ANK2: variants seen among roughly 807,000 people sequenced by gnomAD.
ANK2 encodes ankyrin 2.
ANK2 carries 83 observed loss-of-function variants against 360.5 expected under a neutral mutation model. The ratio of observed to expected loss-of-function variants is 0.23; its 90% confidence interval spans 0.19 to 0.28. The LOEUF (loss-of-function observed/expected upper bound fraction) is 0.28. Ranked by LOEUF, ANK2 falls within the 10% of genes least tolerant of loss-of-function variation. The pLI, the probability that ANK2 is intolerant of heterozygous loss-of-function variation, is 1.00. For missense variants in ANK2, 4,201 were observed against 4,795.7 expected (o/e 0.88, Z 3.66); for synonymous variants, 1,740 against 1,759.5 (o/e 0.99, Z 0.28).
At chr4:113,122,405 C>A (rs1250930257) in intron 1 of ANK2, among the ~76,000 whole-genome samples, 2 of 152,240 alleles carry the variant, frequency 1.3e-5, no homozygotes, top group Admixed American at 6.5e-5. Flanking sequence ...ATTAAAAATA[C>A]AAGTCACAGC....
At chr4:113,162,005 C>T (rs964102004) in intron 1 of ANK2, among the ~76,000 whole-genome samples, 3 of 152,102 alleles carry the variant, frequency 2.0e-5, no homozygotes, top group Admixed American at 1.3e-4. Context: ...TTTTTAATTC[C>T]CTACTCTACA....
intron 26 of ANK2, among the ~76,000 whole-genome samples, chr4:113,328,168 G>A (rs1375543783): frequency 6.6e-6 from 1 of 152,096 alleles, no homozygotes; most frequent in Non-Finnish European, 1.5e-5. Context: ...AAATAGTACT[G>A]AGGATTGATA....
chr4:113,134,919 T>C (rs1245613979), intron 1 of ANK2, among the ~76,000 whole-genome samples: 1 of 152,186 alleles, frequency 6.6e-6, no homozygotes, highest in Non-Finnish European at 1.5e-5. Context: ...GAAATTCTAA[T>C]TTTAGACATT....
chr4:112,862,085 C>T (rs2068282665), intron 1 of ANK2, among the ~76,000 whole-genome samples: 1 of 152,092 alleles, frequency 6.6e-6, no homozygotes, highest in Non-Finnish European at 1.5e-5. Flanking sequence ...GATAGTAGTA[C>T]CTCTAGGGTG....
At chr4:113,009,925 T>TAC (rs3028929) in intron 2 of ANK2, among the ~76,000 whole-genome samples, 82,177 of 149,520 alleles carry the variant, frequency 0.55, 24,078 homozygotes, top group Non-Finnish European at 0.68. Flanking sequence ...TTGTTGAGAG[T>TAC]ACACACACAC....
the ANK2 span, chr4:112,797,776 A>T: frequency 6.2e-6 from 1 of 162,160 alleles, no homozygotes; most frequent in African/African-American, 2.4e-5. Context: ...TCAGCTTAGC[A>T]GAAATGAAAA....
At chr4:112,759,611 A>G in the ANK2 span, among the ~76,000 whole-genome samples, 1 of 152,168 alleles carries the variant, frequency 6.6e-6, no homozygotes, top group Non-Finnish European at 1.5e-5. Flanking sequence ...TAGGGGGGTG[A>G]GTAAATCAGC....
intron 1 of ANK2, chr4:113,152,193 T>C (rs1364475253): frequency 6.6e-6 from 1 of 152,134 alleles, no homozygotes; most frequent in African/African-American, 2.4e-5. Flanking sequence ...TGTATTTACT[T>C]GAACTATGTA....
chr4:113,253,045 T>C lies in ANK2; in HGVS notation c.991-2690T>C, dbSNP rs140450627. On this transcript the variant is annotated intron_variant, in intron 10 of 45. Transcript: ENST00000357077. Reference sequence around the variant, plus strand: ...ATAACACTGAGAGAATTCAAGCAATTGGAAGATAATTTCCAGAGACTCCCA... The same window carrying C: ...ATAACACTGAGAGAATTCAAGCAATCGGAAGATAATTTCCAGAGACTCCCA... 1.9e-3 allele frequency among the ~76,000 whole-genome samples: 282 copies of C among 152,344 alleles called. 1 individual carries two copies. The highest frequency in any genetic ancestry group is 6.2e-3 in the African/African-American group (259 of 41,582).
intron 2 of ANK2, among the ~76,000 whole-genome samples, chr4:112,937,085 C>A (rs4404544): frequency 0.36 from 54,887 of 152,036 alleles, 12,149 homozygotes; most frequent in East Asian, 0.64. Context: ...AGCCATCACG[C>A]CTGGCCTACT....
intron 15 of ANK2, 58 bp downstream of exon 15, chr4:113,274,707 T>G: frequency 6.4e-7 from 1 of 1,566,024 alleles, no homozygotes; most frequent in Non-Finnish European, 8.8e-7. Context: ...TCATGGCCTT[T>G]CTGCTCTACC....
chr4:113,189,945 G>C (rs1221763940), intron 2 of ANK2, among the ~76,000 whole-genome samples: 1 of 151,930 alleles, frequency 6.6e-6, no homozygotes, highest in Non-Finnish European at 1.5e-5. Flanking sequence ...GCAGAACTAA[G>C]ACCTAGTCTT....
At chr4:113,169,312 A>C (rs2097860127) in intron 1 of ANK2, among the ~76,000 whole-genome samples, 1 of 152,204 alleles carries the variant, frequency 6.6e-6, no homozygotes, top group African/African-American at 2.4e-5. Flanking sequence ...CTTATCCTAC[A>C]TGCCTAGGAA....
chr4:113,335,542 A>G (rs1411241935), intron 29 of ANK2, among the ~76,000 whole-genome samples: 2 of 152,198 alleles, frequency 1.3e-5, no homozygotes, highest in African/African-American at 4.8e-5. Context: ...CATGCCTCTC[A>G]TTTCAAAGGT....
intron 1 of ANK2, among the ~76,000 whole-genome samples, chr4:113,114,107 T>G (rs1334598659): frequency 6.6e-6 from 1 of 152,190 alleles, no homozygotes; most frequent in African/African-American, 2.4e-5. Flanking sequence ...TGTTTACAAA[T>G]ATTTATACTA....
the ANK2 span, among the ~76,000 whole-genome samples, chr4:112,749,543 C>T: frequency 6.6e-6 from 1 of 152,098 alleles, no homozygotes; most frequent in African/African-American, 2.4e-5. Context: ...AGTCAGCAGT[C>T]ACCAACCCTG....
At chr4:113,069,429 G>A (rs995110353) in intron 1 of ANK2, among the ~76,000 whole-genome samples, 7 of 152,176 alleles carry the variant, frequency 4.6e-5, no homozygotes, top group African/African-American at 9.7e-5. Flanking sequence ...TCATGAAGGC[G>A]GAGAGAAGAG....
intron 2 of ANK2, among the ~76,000 whole-genome samples, chr4:112,946,381 A>G (rs191395828): frequency 1.8e-4 from 28 of 152,342 alleles, no homozygotes; most frequent in Admixed American, 3.3e-4. Flanking sequence ...AGCCCAAGTC[A>G]GAGCAGAGGT....
At chr4:113,032,660 A>G (rs1354175477) in intron 2 of ANK2, among the ~76,000 whole-genome samples, 1 of 152,090 alleles carries the variant, frequency 6.6e-6, no homozygotes, top group Non-Finnish European at 1.5e-5. Flanking sequence ...AAAGTCAGTG[A>G]TACCAGTGAA....
Sources: allele counts gnomAD v4.1 joint callset (sites outside exome capture counted in the v4.1 genomes callset), GRCh38; gene constraint gnomAD v4.1.1; transcripts MANE v1.5; gene names NCBI Gene and HGNC (gene_info 2026-07-23, HGNC 2026-07-21).